The following HEPH variants were observed in gnomAD, a reference collection of about 807,000 sequenced individuals.
HEPH encodes the protein hephaestin.
Under a neutral mutation model 80.8 loss-of-function variants are expected in HEPH, and 69 were observed. That is an observed-to-expected ratio of 0.85 (90% confidence interval 0.70 to 1.04). The LOEUF is 1.04. HEPH is among the 50% of genes least tolerant of loss of function. The pLI, the probability that HEPH is intolerant of heterozygous loss-of-function variation, is 0.00. For missense variants in HEPH, 1,115 were observed against 891.3 expected, an observed-to-expected ratio of 1.25 and a Z score of -3.20; for synonymous variants, 431 against 322.8, an observed-to-expected ratio of 1.34 and a Z score of -3.60.
chrX:66,246,048 G>A (rs1398225720), intron 15 of HEPH, among the ~76,000 whole-genome samples: 1 of 112,000 alleles, frequency 8.9e-6, no homozygotes, highest in East Asian at 2.8e-4. Flanking sequence ...TTTCCTGGGG[G>A]AACATGGGGT....
intron 15 of HEPH, among the ~76,000 whole-genome samples, chrX:66,246,529 C>G (rs2090815118): frequency 9.0e-6 from 1 of 110,887 alleles, no homozygotes; most frequent in South Asian, 3.9e-4. Flanking sequence ...CCCTTGGAGT[C>G]AAGAGTTTCC....
chrX:66,197,978 G>A lies in HEPH; in HGVS notation c.1713+84G>A, dbSNP rs780633229. ...TGGATAGGAGTTAAGCATGGAACTG[G>A]GTTCTAAAGTTTAGGGAATAGAAGA... On this transcript the variant is annotated intron_variant, in intron 10 of 20. Coordinates refer to ENST00000343002, the MANE Select transcript of HEPH (RefSeq NM_001367233.3). The A allele has an allele frequency of 3.6e-5, 30 of 826,514 alleles. No homozygotes were observed. The Admixed American group carries it at 7.2e-4, about 20-fold the overall frequency. 68.1% of individuals were successfully genotyped at this position (826,514 alleles called of 1,213,427 possible).
chrX:66,186,000 C>G (rs1307212842), intron 4 of HEPH, among the ~76,000 whole-genome samples: 1 of 11,703 alleles, frequency 8.5e-5, no homozygotes, highest in African/African-American at 7.8e-4. Flanking sequence ...GGGGTGCCTC[C>G]CAGTTAGGCT....
chrX:66,204,034 G>T (rs182876864), intron 13 of HEPH, among the ~76,000 whole-genome samples: 187 of 111,573 alleles, frequency 1.7e-3, no homozygotes, highest in Non-Finnish European at 1.1e-3. Flanking sequence ...AGCAATTCAG[G>T]GCTGGCAGGT....
chrX:66,178,727 G>T (rs1470553247), intron 4 of HEPH, among the ~76,000 whole-genome samples: 13 of 112,268 alleles, frequency 1.2e-4, no homozygotes, highest in Admixed American at 1.0e-3. Context: ...GTGTCTTTTG[G>T]CTGCATAAAT....
At chrX:66,181,053 A>G (rs2087122919) in intron 4 of HEPH, among the ~76,000 whole-genome samples, 1 of 71,446 alleles carries the variant, frequency 1.4e-5, no homozygotes, top group Non-Finnish European at 2.5e-5. Flanking sequence ...GCTGCATAGT[A>G]TTCCATGGTG....
At chrX:66,252,039 A>T (rs1338553608) in intron 15 of HEPH, among the ~76,000 whole-genome samples, 1 of 111,924 alleles carries the variant, frequency 8.9e-6, no homozygotes. Context: ...GTGCCAGAAG[A>T]TAATAGCGCA....
At chrX:66,225,681 C>G (rs189725632) in intron 15 of HEPH, among the ~76,000 whole-genome samples, 1 of 112,678 alleles carries the variant, frequency 8.9e-6, no homozygotes, top group South Asian at 3.7e-4. Context: ...AGGCATTCCA[C>G]TGGGGCAATT....
intron 15 of HEPH, among the ~76,000 whole-genome samples, chrX:66,219,071 C>T (rs932959376): frequency 4.5e-5 from 5 of 112,076 alleles, no homozygotes; most frequent in Non-Finnish European, 3.8e-5. Flanking sequence ...ATTCTCACTA[C>T]CTATGTCTTC....
At chrX:66,259,768 G>A (rs914574888) in intron 18 of HEPH, among the ~76,000 whole-genome samples, 7 of 108,440 alleles carry the variant, frequency 6.5e-5, no homozygotes, top group Admixed American at 9.8e-5. Flanking sequence ...GAGTGCAGTG[G>A]TGTGATCTCA....
intron 15 of HEPH, among the ~76,000 whole-genome samples, chrX:66,212,945 C>A (rs1231862235): frequency 1.5e-4 from 16 of 109,008 alleles, no homozygotes; most frequent in Admixed American, 1.4e-3. Context: ...GATATTAATT[C>A]TTTTGATTTT....
intron 17 of HEPH, among the ~76,000 whole-genome samples, chrX:66,257,464 A>C (rs1279975364): frequency 8.9e-6 from 1 of 112,110 alleles, no homozygotes; most frequent in Admixed American, 9.5e-5. Context: ...CCAACTGAGA[A>C]AGAGAGATGC....
intron 6 of HEPH, among the ~76,000 whole-genome samples, chrX:66,191,545 G>A (rs746983596): frequency 8.9e-6 from 1 of 111,989 alleles, no homozygotes; most frequent in Admixed American, 9.4e-5. Flanking sequence ...TTGCCATTGT[G>A]ACGCAATGTA....
intron 9 of HEPH, among the ~76,000 whole-genome samples, chrX:66,196,761 C>T (rs966210312): frequency 2.7e-5 from 3 of 111,899 alleles, no homozygotes; most frequent in African/African-American, 9.7e-5. Flanking sequence ...ACGACAGCAT[C>T]AACAAAACTC....
intron 15 of HEPH, among the ~76,000 whole-genome samples, chrX:66,210,471 TGAG>T (rs967320521): frequency 2.7e-5 from 3 of 111,326 alleles, no homozygotes; most frequent in Admixed American, 9.6e-5. Context: ...ACACTACAGT[TGAG>T]GAGATCTAGG....
At chrX:66,233,053 C>A (rs1210705398) in intron 15 of HEPH, among the ~76,000 whole-genome samples, 1 of 110,739 alleles carries the variant, frequency 9.0e-6, no homozygotes, top group Non-Finnish European at 1.9e-5. Flanking sequence ...ATGATCTAAG[C>A]AAAAAATGGG....
At position 66,203,378 on chromosome X, in the gene HEPH, T is replaced by C. The variant is rs200597517; in HGVS notation, c.2092T>C (p.Tyr698His). 60 of 1,207,840 alleles carry C rather than the reference T, an allele frequency of 5.0e-5. No individual in the cohort carries two copies. In the East Asian group the frequency reaches 1.7e-3, roughly 33 times the overall value. Residue 698 changes from tyrosine to histidine, a missense_variant, in exon 13 of 21, where the codon TAT (tyrosine) becomes CAT (histidine). Tyr to His is a moderately conservative substitution (Grantham distance 83, BLOSUM62 2). This residue lies in a region of HEPH where 716 missense variants were observed against 523.5 expected (regional missense o/e 1.37). Coordinates refer to ENST00000343002, the MANE Select transcript of HEPH (RefSeq NM_001367233.3). ...QPDNLGTFEI[Y>H]CQAGSHREAG... ...TCCTCCCTCAGGGACATTTGAGATT[T>C]ATTGCCAGGCAGGCAGCCATCGAGA...
chrX:66,189,595 A>G, intron 5 of HEPH, 89 bp from the exon 6 acceptor site: 1 of 985,165 alleles, frequency 1.0e-6, no homozygotes, highest in Non-Finnish European at 1.4e-6. Flanking sequence ...CCTCATTTAA[A>G]TATTATCTAT....
chrX:66,187,234 G>C (rs968577722), intron 4 of HEPH, among the ~76,000 whole-genome samples: 1 of 110,466 alleles, frequency 9.1e-6, no homozygotes, highest in African/African-American at 3.3e-5. Context: ...CTAACCTCCT[G>C]AATTCGTTTT....
Sources: gnomAD v4.1 joint callset for allele counts (sites outside exome capture counted in the v4.1 genomes callset) on GRCh38, gnomAD v4.1.1 for gene constraint, gnomAD v4.1.1 regional missense constraint, MANE v1.5 for transcripts, NCBI Gene and HGNC (gene_info 2026-07-23, HGNC 2026-07-21) for gene names.